The following TBC1D5 variants were observed in gnomAD, a reference collection of about 807,000 sequenced individuals.
TBC1D5 encodes the protein TBC1 domain family, member 5.
Under a neutral mutation model 100.3 loss-of-function variants are expected in TBC1D5, and 75 were observed. That is an observed-to-expected ratio of 0.75 (90% CI 0.62 to 0.91). The LOEUF (loss-of-function observed/expected upper bound fraction) is 0.91, where lower values mean the gene tolerates loss of function less well. Ranked by LOEUF, TBC1D5 falls within the 40% of genes least tolerant of loss-of-function variation. The pLI, the probability that TBC1D5 is intolerant of heterozygous loss-of-function variation, is 0.00. For missense variants in TBC1D5, 910 were observed against 942.4 expected (o/e 0.97, Z 0.45); for synonymous variants, 323 against 325.6 (o/e 0.99, Z 0.09).
chr3:17,199,772 C>G (rs2071221704), intron 18 of TBC1D5, among the ~76,000 whole-genome samples: 1 of 152,186 alleles, frequency 6.6e-6, no homozygotes, highest in Non-Finnish European at 1.5e-5. Flanking sequence ...AGAGCGATTA[C>G]CTGGAGGTAA....
At chr3:17,473,091 A>C (rs1442798498) in intron 3 of TBC1D5, among the ~76,000 whole-genome samples, 1 of 152,202 alleles carries the variant, frequency 6.6e-6, no homozygotes, top group Non-Finnish European at 1.5e-5. Context: ...TAAATCAACT[A>C]ACACATTGGT....
intron 2 of TBC1D5, among the ~76,000 whole-genome samples, chr3:17,560,045 A>G (rs1168893317): frequency 6.6e-6 from 1 of 152,230 alleles, no homozygotes; most frequent in South Asian, 2.1e-4. Context: ...GCCAACATTT[A>G]AAATTTTAAA....
At chr3:17,533,522 A>G (rs1320454423) in intron 2 of TBC1D5, among the ~76,000 whole-genome samples, 2 of 152,220 alleles carry the variant, frequency 1.3e-5, no homozygotes, top group Non-Finnish European at 2.9e-5. Flanking sequence ...AAGTAAAAAG[A>G]CAAAGCAAAC....
chr3:17,493,526 C>A (rs1453318468), intron 3 of TBC1D5, among the ~76,000 whole-genome samples: 1 of 152,170 alleles, frequency 6.6e-6, no homozygotes, highest in Non-Finnish European at 1.5e-5. Flanking sequence ...TGTTTTCCAA[C>A]TAGGTACCAT....
At chr3:17,162,983 A>AAAG (rs2066222320) in intron 21 of TBC1D5, among the ~76,000 whole-genome samples, 1 of 152,216 alleles carries the variant, frequency 6.6e-6, no homozygotes, top group African/African-American at 2.4e-5. Context: ...GTTGAAAATA[A>AAAG]AAGAGCATGT....
intron 13 of TBC1D5, among the ~76,000 whole-genome samples, chr3:17,315,855 C>CG (rs1162408070): frequency 6.6e-6 from 1 of 151,716 alleles, no homozygotes; most frequent in Non-Finnish European, 1.5e-5. Context: ...GGGGGACGGG[C>CG]GGGGGGAGGC....
intron 1 of TBC1D5, among the ~76,000 whole-genome samples, chr3:17,624,254 A>C (rs971430326): frequency 6.6e-6 from 1 of 152,196 alleles, no homozygotes; most frequent in African/African-American, 2.4e-5. Flanking sequence ...CTTGATATTA[A>C]ACACTGAGAT....
intron 13 of TBC1D5, among the ~76,000 whole-genome samples, chr3:17,346,736 G>A (rs1306908072): frequency 1.3e-5 from 2 of 151,966 alleles, no homozygotes; most frequent in Non-Finnish European, 2.9e-5. Context: ...TACATTATAT[G>A]GAATTAATTT....
intron 3 of TBC1D5, 113 bp from the exon 4 acceptor site, chr3:17,428,632 C>T (rs1036511759): frequency 3.0e-5 from 10 of 337,802 alleles, no homozygotes; most frequent in Middle Eastern, 1.1e-3. Context: ...CATCCTCTCC[C>T]CCTTCCCCAA....
intron 2 of TBC1D5, among the ~76,000 whole-genome samples, chr3:17,620,278 C>T (rs2062546872): frequency 6.6e-6 from 1 of 152,186 alleles, no homozygotes; most frequent in South Asian, 2.1e-4. Flanking sequence ...CTACACCGGG[C>T]TTAGTATTTG....
chr3:17,685,626 A>G (rs561442283), intron 1 of TBC1D5, among the ~76,000 whole-genome samples: 1 of 152,174 alleles, frequency 6.6e-6, no homozygotes, highest in African/African-American at 2.4e-5. Flanking sequence ...CCTCATCTCA[A>G]TACATATGAA....
chr3:17,233,725 A>C (rs1407573887), intron 17 of TBC1D5: 20 of 1,546,268 alleles, frequency 1.3e-5, no homozygotes, highest in Non-Finnish European at 1.6e-5. Flanking sequence ...CAGAAACCTG[A>C]GCATCGCTTC....
At chr3:17,276,684 C>A (rs1212507208) in intron 15 of TBC1D5, among the ~76,000 whole-genome samples, 1 of 152,166 alleles carries the variant, frequency 6.6e-6, no homozygotes, top group Non-Finnish European at 1.5e-5. Context: ...GGTAAAAGAA[C>A]CAGAACATTT....
intron 3 of TBC1D5, among the ~76,000 whole-genome samples, chr3:17,473,699 T>C (rs1390137349): frequency 1.3e-5 from 2 of 152,214 alleles, no homozygotes; most frequent in African/African-American, 4.8e-5. Context: ...TTTAACTAAG[T>C]ATAAGGTGAA....
intron 2 of TBC1D5, among the ~76,000 whole-genome samples, chr3:17,520,647 T>A (rs1427522652): frequency 6.6e-6 from 1 of 151,948 alleles, no homozygotes; most frequent in East Asian, 1.9e-4. Context: ...AAAATTTAGT[T>A]AAGAAAAAGT....
chr3:17,293,174 C>T, intron 14 of TBC1D5, among the ~76,000 whole-genome samples: 1 of 152,166 alleles, frequency 6.6e-6, no homozygotes, highest in Non-Finnish European at 1.5e-5. Context: ...ACTTATCCTA[C>T]CCTTTCTGTG....
At chr3:17,542,890 G>A (rs1425877105) in intron 2 of TBC1D5, among the ~76,000 whole-genome samples, 1 of 152,020 alleles carries the variant, frequency 6.6e-6, no homozygotes, top group African/African-American at 2.4e-5. Flanking sequence ...TTTATATCAA[G>A]GTTCATACAC....
intron 2 of TBC1D5, among the ~76,000 whole-genome samples, chr3:17,575,499 A>G (rs1480832622): frequency 2.0e-5 from 3 of 151,932 alleles, no homozygotes; most frequent in African/African-American, 4.8e-5. Context: ...GCTAGAAGGC[A>G]CTCTAGGTTC....
rs1049382621 is a variant in TBC1D5, at chr3:17,637,326, G to A, written c.-100-13413C>T. 4.0e-5 allele frequency among the ~76,000 whole-genome samples: 6 copies of A among 149,910 alleles called. No individual in the cohort carries two copies. In the East Asian group the frequency reaches 9.8e-4, roughly 25 times the overall value. On this transcript the variant is annotated intron_variant, in intron 1 of 21. Coordinates refer to ENST00000253692, the Ensembl canonical transcript of TBC1D5. ...CAAAGTGCTGGGATTACAGGCGTGA[G>A]CCACCACACCTGGCCCCAAGATAAA...
Sources: gnomAD v4.1 joint callset for allele counts (sites outside exome capture counted in the v4.1 genomes callset) on GRCh38, gnomAD v4.1.1 for gene constraint, MANE v1.5 for transcripts, NCBI Gene and HGNC (gene_info 2026-07-23, HGNC 2026-07-21) for gene names.